DDX11: variants seen among roughly 807,000 people sequenced by gnomAD.
DDX11 encodes the protein DEAD/H-box helicase 11.
Under a neutral mutation model 125.2 loss-of-function variants are expected in DDX11, and 72 were observed. The ratio of observed to expected loss-of-function variants is 0.58; its 90% CI spans 0.48 to 0.70. The LOEUF is 0.70. DDX11 is among the 30% of genes least tolerant of loss of function. The pLI is 0.00. For synonymous variants in DDX11, 347 were observed against 452.6 expected, an observed-to-expected ratio of 0.77 and a Z score of 2.96; for missense variants, 883 against 1,165.0, an observed-to-expected ratio of 0.76 and a Z score of 3.52.
chr12:31,084,102 A>G (rs1454332755), intron 3 of DDX11, 41 bp downstream of exon 3: 2 of 1,609,688 alleles, frequency 1.2e-6, no homozygotes, highest in East Asian at 2.2e-5. Flanking sequence ...ACTGGAGGAA[A>G]CAGGGCTTCA....
chr12:31,089,904 A>C lies in DDX11; in HGVS notation c.899A>C (p.Glu300Ala). 6.2e-7 allele frequency: 1 copy of C among 1,608,278 alleles called. No homozygotes were observed. Among genetic ancestry groups the C allele is most frequent in the South Asian group, 1.1e-5 (1 of 90,022 alleles). The change falls in exon 9 of 27, where the codon GAG becomes GCG. Residue 300 changes from glutamate (E) to alanine (A), a missense_variant. Glu to Ala is a moderately radical substitution (Grantham distance 107). This residue lies in a region of DDX11 where 72 missense variants were observed against 159.7 expected (regional missense o/e 0.45). Transcript: ENST00000542838. The stretch of plus-strand genomic sequence containing the variant: ...CCCTCAGAGAAGAAGAAAGGAGCTG[A>C]GGAGGAGAAGCCAAAGAGGAGGAGG... Reference protein sequence around the residue: ...RSRHEKKKGAEEEKPKRRRQE... With the variant: ...RSRHEKKKGAAEEKPKRRRQE...
Position 31,083,757 on chromosome 12 carries a change from T to C in DDX11, c.145-56T>C, listed in dbSNP as rs71455616. ...AAGCTTTTATTAAAATGGGGAAAGG[T>C]CATTTGGGAGGCTTTGTTGTTTTCC... On this transcript the variant is annotated intron_variant, in intron 2 of 26. Transcript: ENST00000542838. 3.8e-6 allele frequency: 6 copies of C among 1,577,998 alleles called. No homozygotes were observed. The East Asian group carries it at 1.3e-4, about 35-fold the overall frequency.
intron 18 of DDX11, 186 bp from the exon 19 acceptor site, chr12:31,100,449 A>C (rs1342948267): frequency 1.8e-6 from 1 of 562,226 alleles, no homozygotes; most frequent in Non-Finnish European, 3.2e-6. Flanking sequence ...CACATAGTTT[A>C]AACGAGACTG....
Position 31,099,084 on chromosome 12 carries a change from C to CTTTT in DDX11, c.1875+1105_1875+1108dup, listed in dbSNP as rs763612105. Among the ~76,000 whole-genome samples, 169 of 63,670 alleles carry CTTTT rather than the reference C, an allele frequency of 2.7e-3. 1 individual carries two copies. The highest frequency in any genetic ancestry group is 3.7e-3 in the African/African-American group (47 of 12,694). 41.8% of individuals were successfully genotyped at this position (63,670 alleles called of 152,430 possible). A position where few individuals can be genotyped will look rare whatever the true frequency, so the allele number is the denominator to read the frequency against. On this transcript the variant is annotated intron_variant, in intron 18 of 26. Transcript: ENST00000542838. ...CATACTGGTATTTCTTTCTTTCTTTCTTTTTTTTTTTTTTTTTTTTTGAGA... is the reference window on the plus strand; with the variant it reads ...CATACTGGTATTTCTTTCTTTCTTTCTTTTTTTTTTTTTTTTTTTTTTTTTGAGA...
intron 20 of DDX11, 100 bp from the exon 21 acceptor site, chr12:31,101,733 G>A (rs747214361): frequency 6.5e-7 from 1 of 1,539,366 alleles, no homozygotes; most frequent in Non-Finnish European, 9.0e-7. Context: ...CCTGCCGAGG[G>A]TCTCTCCTCA....
chr12:31,081,558 C>T (rs1941943052), intron 2 of DDX11, among the ~76,000 whole-genome samples: 2 of 151,490 alleles, frequency 1.3e-5, no homozygotes, highest in African/African-American at 4.9e-5. Context: ...TTGCGGGGAT[C>T]TATGATGCCC....
At chr12:31,086,774 G>T (rs1240827489) in intron 5 of DDX11, among the ~76,000 whole-genome samples, 2 of 138,024 alleles carry the variant, frequency 1.4e-5, no homozygotes, top group African/African-American at 5.7e-5. Context: ...AGCCTCGGAG[G>T]ACCTGAGTTC....
chr12:31,094,995 G>A (rs1944967998), intron 14 of DDX11, among the ~76,000 whole-genome samples, 173 bp downstream of exon 14: 1 of 152,204 alleles, frequency 6.6e-6, no homozygotes, highest in South Asian at 2.1e-4. Flanking sequence ...TTAGAGTGAA[G>A]GCCACAGGGA....
intron 21 of DDX11, 32 bp downstream of exon 21, chr12:31,102,014 T>A (rs1242698645): frequency 6.2e-7 from 1 of 1,604,614 alleles, no homozygotes; most frequent in South Asian, 1.1e-5. Context: ...TTCCCACTTG[T>A]GAGGACAGTG....
At position 31,097,903 on chromosome 12, in the gene DDX11, C is replaced by T. The variant is rs1323360317; in HGVS notation, c.1781C>T (p.Thr594Ile). 3.1e-6 allele frequency: 5 copies of T among 1,613,144 alleles called. No individual in the cohort carries two copies. The highest frequency in any genetic ancestry group is 4.2e-6 in the Non-Finnish European group (5 of 1,179,604). The change falls in exon 18 of 27, where the codon ACC (threonine) becomes ATC (isoleucine). Residue 594 changes from threonine (T) to isoleucine (I), a missense_variant. Physicochemically the swap from Thr to Ile is moderately conservative, Grantham distance 89. This residue lies in a region of DDX11 where 241 missense variants were observed against 279.7 expected (regional missense o/e 0.86). Transcript: ENST00000542838. Reference sequence around the variant, plus strand: ...TTTCCAGGCAGCCTCAGTCAGAGCACCCTGAAGTTTTTGCTCCTGAATCCA... The same window carrying T: ...TTTCCAGGCAGCCTCAGTCAGAGCATCCTGAAGTTTTTGCTCCTGAATCCA... ...LSRQGSLSQS[T>I]LKFLLLNPAV... is the part of the protein sequence containing the mutation.
At chr12:31,097,679 CA>C (rs10676316) in intron 17 of DDX11, among the ~76,000 whole-genome samples, 96 of 93,156 alleles carry the variant, frequency 1.0e-3, no homozygotes, top group Middle Eastern at 6.5e-3. Context: ...GACTCCATCT[CA>C]AAAAAAAAAA....
In DDX11 at chr12:31,102,449, A is replaced by G. The variant is rs1369230828; in HGVS notation, c.2294A>G (p.Gln765Arg). The G allele has an allele frequency of 6.2e-7, 1 of 1,614,002 alleles. No homozygotes were observed. The highest frequency in any genetic ancestry group is 8.5e-7 in the Non-Finnish European group (1 of 1,179,964). The change falls in exon 23 of 27, where the codon CAG (glutamine) becomes CGG (arginine). Residue 765 changes from glutamine (Q) to arginine (R), a missense_variant. This residue lies in a region of DDX11 where 285 missense variants were observed against 346.0 expected (regional missense o/e 0.82). Transcript: ENST00000542838. ...CAGGCCTGTGGCCAGGAGAGAGGCC[A>G]GGTGACAGGGGCCCTGCTCCTCTCT... ...CIQACGQERG[Q>R]VTGALLLSVV...
At chr12:31,096,815 G>C in intron 16 of DDX11, 44 bp from the exon 17 acceptor site, 2 of 1,614,174 alleles carry the variant, frequency 1.2e-6, no homozygotes, top group Non-Finnish European at 1.7e-6. Flanking sequence ...CTCATGTGTG[G>C]ACCTGACCAG....
At chr12:31,077,420 G>C (rs149803189) in intron 1 of DDX11, among the ~76,000 whole-genome samples, 1,947 of 152,236 alleles carry the variant, frequency 0.013, 88 homozygotes, top group Admixed American at 0.089. Context: ...GCTGTGAAGA[G>C]AGCTCTCCTG....
In DDX11 at chr12:31,104,417, A is replaced by G. The variant is rs1946904229; in HGVS notation, c.*581A>G. 4.6e-6 allele frequency: 1 copy of G among 217,990 alleles called. No individual in the cohort carries two copies. Among genetic ancestry groups the G allele is most frequent in the African/African-American group, 2.3e-5 (1 of 44,020 alleles). The allele number at this position is 217,990 out of a possible 1,614,324, so 13.5% of individuals were successfully genotyped here. A position where few individuals can be genotyped will look rare whatever the true frequency, so the allele number is the denominator to read the frequency against. On this transcript the variant is annotated 3_prime_UTR_variant, in exon 27 of 27. Coordinates refer to ENST00000542838, the MANE Select transcript of DDX11 (RefSeq NM_030653.4). ...GTCCCACAGCCCTGCCTGGATTTGT[A>G]TCCTTGGCTTCGTGCCAGTTCCTCC...
intron 20 of DDX11, chr12:31,101,461 T>C (rs1369310032): frequency 8.0e-6 from 4 of 498,036 alleles, no homozygotes; most frequent in African/African-American, 7.8e-5. Flanking sequence ...GGGGTAGGGA[T>C]GTGGGGCTTG....
chr12:31,083,723 C>T (rs902596743), intron 2 of DDX11, 90 bp from the exon 3 acceptor site: 3 of 1,481,612 alleles, frequency 2.0e-6, no homozygotes, highest in Non-Finnish European at 2.8e-6. Flanking sequence ...TACAGCCAGA[C>T]CTTCTTTCAA....
intron 6 of DDX11, among the ~76,000 whole-genome samples, chr12:31,088,767 A>G (rs998356956): frequency 6.6e-6 from 1 of 152,170 alleles, no homozygotes; most frequent in African/African-American, 2.4e-5. Context: ...AAGATTGGCC[A>G]ACCCCCCAAA....
chr12:31,101,668 C>G, intron 20 of DDX11, 165 bp from the exon 21 acceptor site: 2 of 836,412 alleles, frequency 2.4e-6, no homozygotes, highest in African/African-American at 1.7e-5. Flanking sequence ...GAGGTGGCAC[C>G]TACCACCCCG....
Sources: allele counts gnomAD v4.1 joint callset (sites outside exome capture counted in the v4.1 genomes callset), GRCh38; gene constraint gnomAD v4.1.1; regional missense constraint gnomAD v4.1.1; transcripts MANE v1.5; gene names NCBI Gene and HGNC (gene_info 2026-07-23, HGNC 2026-07-21).